Variants in PTPRT observed in about 807,000 individuals in gnomAD.
The protein encoded by PTPRT is receptor-type tyrosine-protein phosphatase T.
In PTPRT, 56 loss-of-function variants were observed where a neutral mutation model predicts 176.8. That is an observed-to-expected ratio of 0.32 (90% CI 0.26 to 0.40). The LOEUF (loss-of-function observed/expected upper bound fraction) is 0.40, where lower values mean the gene tolerates loss of function less well. Ranked by LOEUF, PTPRT falls within the 10% of genes least tolerant of loss-of-function variation. PTPRT has a pLI of 1.00. For missense variants in PTPRT, 1,540 were observed against 1,908.2 expected (o/e 0.81, Z 3.60); for synonymous variants, 783 against 739.0 (o/e 1.06, Z -0.96).
At chr20:42,203,826 T>A (rs1336142666) in intron 15 of PTPRT, among the ~76,000 whole-genome samples, 5 of 152,224 alleles carry the variant, frequency 3.3e-5, no homozygotes, top group African/African-American at 4.8e-5. Context: ...GAACCTGGTT[T>A]GAACCCTGGC....
At chr20:43,030,505 CA>C (rs35791318) in intron 1 of PTPRT, among the ~76,000 whole-genome samples, 44,177 of 119,502 alleles carry the variant, frequency 0.37, 8,197 homozygotes, top group African/African-American at 0.59. Flanking sequence ...CATTTCAGAA[CA>C]AAAAAAAAAA....
chr20:42,284,933 G>GT (rs1219229547), intron 12 of PTPRT, among the ~76,000 whole-genome samples: 1 of 147,350 alleles, frequency 6.8e-6, no homozygotes. Context: ...CAATAACAAA[G>GT]TTTTTTCAGA....
intron 6 of PTPRT, among the ~76,000 whole-genome samples, chr20:42,709,117 C>A (rs1185565694): frequency 1.3e-5 from 2 of 152,226 alleles, no homozygotes; most frequent in African/African-American, 2.4e-5. Flanking sequence ...AATGTGAGTA[C>A]AAAGGACCTA....
intron 1 of PTPRT, among the ~76,000 whole-genome samples, chr20:43,091,021 A>G (rs979425080): frequency 6.6e-6 from 1 of 152,338 alleles, no homozygotes. Context: ...ACTTGAGGTC[A>G]GGAGTTCAAG....
intron 9 of PTPRT, among the ~76,000 whole-genome samples, chr20:42,431,083 G>A (rs970398890): frequency 2.0e-5 from 3 of 152,176 alleles, no homozygotes; most frequent in African/African-American, 4.8e-5. Context: ...GGAAGAAAAC[G>A]AACTTTGACA....
At chr20:42,378,633 T>A (rs2058671372) in intron 9 of PTPRT, among the ~76,000 whole-genome samples, 1 of 152,146 alleles carries the variant, frequency 6.6e-6, no homozygotes, top group Non-Finnish European at 1.5e-5. Context: ...ATGAACAAGC[T>A]CTATTTTCTT....
At chr20:42,466,058 G>C (rs1266509323) in intron 8 of PTPRT, among the ~76,000 whole-genome samples, 1 of 152,124 alleles carries the variant, frequency 6.6e-6, no homozygotes, top group Non-Finnish European at 1.5e-5. Flanking sequence ...AGTCTGCTGA[G>C]GATAATGACT....
intron 1 of PTPRT, among the ~76,000 whole-genome samples, chr20:43,071,511 G>A (rs138804654): frequency 1.1e-3 from 163 of 152,260 alleles, no homozygotes; most frequent in African/African-American, 3.7e-3. Flanking sequence ...CAGGCCAGGC[G>A]CGGTGGCTCA....
chr20:42,941,957 T>C (rs1487001665), intron 1 of PTPRT, among the ~76,000 whole-genome samples: 1 of 151,982 alleles, frequency 6.6e-6, no homozygotes, highest in African/African-American at 2.4e-5. Flanking sequence ...AGCTCTTCTT[T>C]AGCACATTAC....
intron 1 of PTPRT, among the ~76,000 whole-genome samples, chr20:43,043,583 C>G (rs1986721009): frequency 6.6e-6 from 1 of 152,114 alleles, no homozygotes; most frequent in South Asian, 2.1e-4. Context: ...GGTTACACAG[C>G]CTACATGCAG....
intron 1 of PTPRT, among the ~76,000 whole-genome samples, chr20:43,008,840 C>A (rs1186760660): frequency 6.6e-6 from 1 of 152,190 alleles, no homozygotes; most frequent in Non-Finnish European, 1.5e-5. Context: ...AGTCTAATGA[C>A]TCTCTTGACC....
Position 43,189,024 on chromosome 20 carries a change from G to C in PTPRT, c.88+622C>G, listed in dbSNP as rs958689009. 5.3e-5 allele frequency among the ~76,000 whole-genome samples: 8 copies of C among 152,196 alleles called. No homozygotes were observed. The highest frequency in any genetic ancestry group is 1.9e-4 in the African/African-American group (8 of 41,444). On this transcript the variant is annotated intron_variant, in intron 1 of 30. Transcript: ENST00000373187. The surrounding 1 kb of genome is among the most constrained non-coding windows in gnomAD (Gnocchi z 5.0). ...CCAAGGGCCTTAACACGGGCGCCCA[G>C]CTACCTCGGAGAAAAGCCAGCGGGT...
chr20:42,968,824 GTCA>G (rs1348322563), intron 1 of PTPRT: 1 of 152,256 alleles, frequency 6.6e-6, no homozygotes, highest in Non-Finnish European at 1.5e-5. Context: ...TCCACCTTCT[GTCA>G]TCACAAGCCT....
At position 43,170,538 on chromosome 20, in the gene PTPRT, C is replaced by T. The variant is rs113733168; in HGVS notation, c.88+19108G>A. ...GAACAGAAGTGAACTCTAAAATCCA[C>T]CCATCAAATTGAAATTTATCACGAC... On this transcript the variant is annotated intron_variant, in intron 1 of 30. Transcript: ENST00000373187. Among the ~76,000 whole-genome samples the T allele has an allele frequency of 5.5e-3, 834 of 152,288 alleles. 3 individuals carry two copies. Among genetic ancestry groups the T allele is most frequent in the Middle Eastern group, 0.037 (11 of 294 alleles).
chr20:42,843,044 C>G (rs1321654262), intron 2 of PTPRT, among the ~76,000 whole-genome samples: 2 of 152,148 alleles, frequency 1.3e-5, no homozygotes, highest in African/African-American at 4.8e-5. Context: ...CCTAGTATGA[C>G]CTTGGATAAG....
At chr20:42,698,588 T>C (rs2075922044) in intron 6 of PTPRT, among the ~76,000 whole-genome samples, 1 of 152,204 alleles carries the variant, frequency 6.6e-6, no homozygotes, top group African/African-American at 2.4e-5. Flanking sequence ...GAGTTCCTAA[T>C]GCTTAGGTCT....
rs377724240 is a variant in PTPRT, at chr20:42,727,281, A to G, written c.859+29181T>C. 2.8e-4 allele frequency among the ~76,000 whole-genome samples: 43 copies of G among 152,278 alleles called. 1 individual carries two copies. Among genetic ancestry groups the G allele is most frequent in the African/African-American group, 9.9e-4 (41 of 41,556 alleles). On this transcript the variant is annotated intron_variant, in intron 6 of 30. Transcript: ENST00000373187. ...TCTTAGATATCTAATCCTATGTAAGACCTGTTACTTGACATCTTTCGGTGA... is the reference window on the plus strand; with the variant it reads ...TCTTAGATATCTAATCCTATGTAAGGCCTGTTACTTGACATCTTTCGGTGA...
chr20:42,521,478 C>G (rs942937220), intron 7 of PTPRT, among the ~76,000 whole-genome samples: 1 of 152,110 alleles, frequency 6.6e-6, no homozygotes, highest in Non-Finnish European at 1.5e-5. Context: ...TTTATAGATC[C>G]TTTTCCAATA....
chr20:43,151,161 C>T (rs1016406720), intron 1 of PTPRT, among the ~76,000 whole-genome samples: 12 of 151,900 alleles, frequency 7.9e-5, no homozygotes, highest in African/African-American at 2.9e-4. Context: ...ACAAAATTAG[C>T]CAGGCATGGT....
Sources: allele counts gnomAD v4.1 joint callset (sites outside exome capture counted in the v4.1 genomes callset), GRCh38; gene constraint gnomAD v4.1.1; non-coding constraint Gnocchi (gnomAD v3.1); transcripts MANE v1.5; gene names NCBI Gene and HGNC (gene_info 2026-07-23, HGNC 2026-07-21).